MYO3B: variants seen among roughly 807,000 people sequenced by gnomAD.
MYO3B encodes myosin-IIIb.
In MYO3B, 156 loss-of-function variants were observed where a neutral mutation model predicts 174.6. The observed-to-expected ratio is 0.89, with a 90% CI of 0.78 to 1.02. MYO3B has a LOEUF of 1.02. Ranked by LOEUF, MYO3B falls within the 50% of genes least tolerant of loss-of-function variation. The probability of loss-of-function intolerance (pLI) is 0.00; values close to 1 mark genes in which losing one functional copy is unlikely to be tolerated. For missense variants in MYO3B, 1,632 were observed against 1,639.4 expected (o/e 1.00, Z 0.08); for synonymous variants, 563 against 569.1 (o/e 0.99, Z 0.15).
At chr2:170,373,971 A>G (rs1003269557) in intron 9 of MYO3B, among the ~76,000 whole-genome samples, 6 of 152,220 alleles carry the variant, frequency 3.9e-5, no homozygotes, top group African/African-American at 1.4e-4. Flanking sequence ...GCTTAATAGC[A>G]TAGAAAACCC....
At position 170,387,175 on chromosome 2, in the gene MYO3B, T is replaced by A; in HGVS notation, c.1444T>A (p.Cys482Ser). The A allele has an allele frequency of 6.2e-7, 1 of 1,614,178 alleles. No individual in the cohort carries two copies. The highest frequency in any genetic ancestry group is 8.5e-7 in the Non-Finnish European group (1 of 1,180,010). The change falls in exon 14 of 35, where the codon TGC becomes AGC. Residue 482 changes from cysteine to serine, a missense_variant. Transcript: ENST00000408978. ...CCTGGTGGAAGCCTTTGGGAACTCA[T>A]GCACTGCCATCAATGACAACTCGAG... ...NSLVEAFGNS[C>S]TAINDNSSRF...
At chr2:170,640,674 G>C (rs1380690621) in intron 32 of MYO3B, 1 of 152,148 alleles carries the variant, frequency 6.6e-6, no homozygotes, top group Non-Finnish European at 1.5e-5. Context: ...AATGGTGCTA[G>C]TATGTCTTAA....
intron 23 of MYO3B, among the ~76,000 whole-genome samples, chr2:170,459,970 G>A (rs1315451686): frequency 6.6e-6 from 1 of 152,132 alleles, no homozygotes; most frequent in Non-Finnish European, 1.5e-5. Flanking sequence ...TGGCTCTCAA[G>A]GGACGCGCAG....
Position 170,421,069 on chromosome 2 carries a change from G to C in MYO3B, c.2650+13225G>C, listed in dbSNP as rs369628455. Reference sequence around the variant, plus strand: ...CTTTCCATCGTCTAGAGAGGAGTGTGACAGGAGGTGCTCAGAGAGTCTTTC... The same window carrying C: ...CTTTCCATCGTCTAGAGAGGAGTGTCACAGGAGGTGCTCAGAGAGTCTTTC... On this transcript the variant is annotated intron_variant, in intron 22 of 34. Coordinates refer to ENST00000408978, the MANE Select transcript of MYO3B (RefSeq NM_138995.5). Among the ~76,000 whole-genome samples, 20 of 152,248 alleles carry C rather than the reference G, an allele frequency of 1.3e-4. No individual in the cohort carries two copies. The East Asian group carries it at 3.9e-3, about 29-fold the overall frequency.
chr2:170,616,718 A>G (rs1695490016), intron 32 of MYO3B, among the ~76,000 whole-genome samples: 1 of 152,196 alleles, frequency 6.6e-6, no homozygotes, highest in Non-Finnish European at 1.5e-5. Flanking sequence ...CCTCCCAAAG[A>G]TTTTACCTAT....
At chr2:170,230,174 G>GTTT (rs1175614525) in intron 6 of MYO3B, among the ~76,000 whole-genome samples, 1 of 128,074 alleles carries the variant, frequency 7.8e-6, no homozygotes, top group Non-Finnish European at 1.7e-5. Flanking sequence ...TTTTTTTTTT[G>GTTT]TTTTTTTTTT....
intron 8 of MYO3B, chr2:170,338,095 T>A (rs1485764905): frequency 1.3e-5 from 2 of 152,190 alleles, no homozygotes; most frequent in East Asian, 3.9e-4. Flanking sequence ...CCAATTCAAA[T>A]CTGCTATGTT....
At chr2:170,227,182 G>C (rs2092960596) in intron 6 of MYO3B, among the ~76,000 whole-genome samples, 1 of 152,194 alleles carries the variant, frequency 6.6e-6, no homozygotes, top group Admixed American at 6.5e-5. Flanking sequence ...TGAGGGATGG[G>C]ACCTCAGAGG....
intron 7 of MYO3B, among the ~76,000 whole-genome samples, chr2:170,242,680 G>T (rs1274332802): frequency 6.6e-6 from 1 of 152,154 alleles, no homozygotes; most frequent in East Asian, 1.9e-4. Flanking sequence ...TACTGAGTAA[G>T]AAGCTCACCC....
chr2:170,350,064 C>A (rs141743461), intron 8 of MYO3B, among the ~76,000 whole-genome samples: 1 of 151,834 alleles, frequency 6.6e-6, no homozygotes, highest in African/African-American at 2.4e-5. Flanking sequence ...TGCAGTGGCG[C>A]GATCTCGGCT....
At chr2:170,571,096 C>T (rs1332936355) in intron 32 of MYO3B, among the ~76,000 whole-genome samples, 1 of 152,168 alleles carries the variant, frequency 6.6e-6, no homozygotes, top group Non-Finnish European at 1.5e-5. Context: ...CTGGCTTTCA[C>T]CAAGCAATGA....
rs936580108 is a variant in MYO3B, at chr2:170,304,902, A to AT, written c.750-30473dup. On this transcript the variant is annotated intron_variant, in intron 7 of 34. Coordinates refer to ENST00000408978, the MANE Select transcript of MYO3B (RefSeq NM_138995.5). ...GGCCTTCTAATTTTGTTTAAGGTTT[A>AT]TTTTTTTTTTCTGTAAGAATCTGAC... Among the ~76,000 whole-genome samples the AT allele has an allele frequency of 4.8e-3, 707 of 147,508 alleles. 5 individuals carry two copies. The highest frequency in any genetic ancestry group is 0.017 in the South Asian group (79 of 4,694).
chr2:170,430,018 T>G (rs1407857539), intron 22 of MYO3B, among the ~76,000 whole-genome samples: 1 of 151,976 alleles, frequency 6.6e-6, no homozygotes, highest in Non-Finnish European at 1.5e-5. Context: ...AGGTTTTTTT[T>G]TTTTTTTTCA....
In MYO3B at chr2:170,501,849, T is replaced by A. The variant is rs2106085661; in HGVS notation, c.3354T>A (p.Ala1118=). Residue 1118 remains alanine, a synonymous_variant, in exon 28 of 35, where the codon GCT becomes GCA. Transcript: ENST00000408978. ...KKISNRRNES[A]AHNQAGDTSN... ...TAAGCAACAGAAGGAATGAGTCTGC[T>A]GCTCATAATCAAGCAGGTAATTAAA... 1.2e-6 allele frequency: 2 copies of A among 1,610,686 alleles called. No homozygotes were observed. The highest frequency in any genetic ancestry group is 1.7e-6 in the Non-Finnish European group (2 of 1,176,972).
chr2:170,540,674 CAAA>C (rs1158711256), intron 30 of MYO3B, among the ~76,000 whole-genome samples: 1 of 149,128 alleles, frequency 6.7e-6, no homozygotes, highest in African/African-American at 2.5e-5. Flanking sequence ...ACAAAAAAAA[CAAA>C]AAAACAGCAA....
intron 3 of MYO3B, among the ~76,000 whole-genome samples, chr2:170,207,342 G>A (rs1001772688): frequency 6.6e-6 from 1 of 152,122 alleles, no homozygotes; most frequent in Admixed American, 6.5e-5. Context: ...GGAGTTTGAT[G>A]TCATGAAGGT....
At chr2:170,228,944 G>T (rs1574618495) in intron 6 of MYO3B, among the ~76,000 whole-genome samples, 1 of 114,370 alleles carries the variant, frequency 8.7e-6, no homozygotes, top group Admixed American at 1.2e-4. Context: ...AGTTCATCTA[G>T]TCCATATTCC....
At chr2:170,191,745 T>G (rs2092543312) in intron 1 of MYO3B, among the ~76,000 whole-genome samples, 2 of 152,216 alleles carry the variant, frequency 1.3e-5, no homozygotes, top group African/African-American at 2.4e-5. Flanking sequence ...TTGTCTGTCC[T>G]ACCCTCTTCA....
intron 32 of MYO3B, among the ~76,000 whole-genome samples, chr2:170,619,734 A>ATACTTTTTTTTTTTTTTTTTTTT (rs1553539463): frequency 3.0e-5 from 1 of 33,520 alleles, no homozygotes; most frequent in Non-Finnish European, 7.4e-5. Context: ...CTGCTGCCAT[A>ATACTTTTTTTTTTTTTTTTTTTT]TTCTTTTTTT....
Sources: gnomAD v4.1 joint callset for allele counts (sites outside exome capture counted in the v4.1 genomes callset) on GRCh38, gnomAD v4.1.1 for gene constraint, MANE v1.5 for transcripts, NCBI Gene and HGNC (gene_info 2026-07-23, HGNC 2026-07-21) for gene names.